Variants in CACNG3 observed in about 807,000 individuals in gnomAD.
The protein encoded by CACNG3 is calcium voltage-gated channel auxiliary subunit gamma 3.
CACNG3 carries 3 observed loss-of-function variants against 28.5 expected under a neutral mutation model. The observed-to-expected ratio is 0.11, with a 90% confidence interval of 0.05 to 0.27. The LOEUF is 0.27. CACNG3 is among the 10% of genes least tolerant of loss of function. The probability of loss-of-function intolerance (pLI) is 1.00; values close to 1 mark genes in which losing one functional copy is unlikely to be tolerated. For synonymous variants in CACNG3, 174 were observed against 162.2 expected (o/e 1.07, Z -0.55); for missense variants, 236 against 414.4 (o/e 0.57, Z 3.74).
At chr16:24,352,941 A>G (rs187329480) in intron 2 of CACNG3, among the ~76,000 whole-genome samples, 1 of 151,656 alleles carries the variant, frequency 6.6e-6, no homozygotes, top group East Asian at 2.0e-4. Flanking sequence ...GAAATTCTTA[A>G]CAATTCTGGA....
At chr16:24,297,806 T>G (rs183300723) in intron 1 of CACNG3, among the ~76,000 whole-genome samples, 16 of 152,228 alleles carry the variant, frequency 1.1e-4, no homozygotes, top group Admixed American at 6.5e-5. Context: ...TTTGTTCTGT[T>G]TCCTAGACGT....
intron 1 of CACNG3, among the ~76,000 whole-genome samples, chr16:24,336,452 T>G (rs1413197144): frequency 6.6e-6 from 1 of 151,800 alleles, no homozygotes; most frequent in African/African-American, 2.4e-5. Flanking sequence ...TGTTTTTGTA[T>G]TTTTAGTAAA....
chr16:24,341,701 G>A (rs1596649215), intron 1 of CACNG3, among the ~76,000 whole-genome samples: 1 of 152,326 alleles, frequency 6.6e-6, no homozygotes, highest in African/African-American at 2.4e-5. Context: ...CAGGATTCAT[G>A]CCTACGTGGG....
chr16:24,342,114 A>G (rs2141378137), intron 1 of CACNG3, among the ~76,000 whole-genome samples: 1 of 152,138 alleles, frequency 6.6e-6, no homozygotes, highest in South Asian at 2.1e-4. Context: ...CTAAAAATAC[A>G]AAAATCAGCC....
Position 24,356,882 on chromosome 16 carries a change from G to A in CACNG3, c.436+1909G>A, listed in dbSNP as rs1055929586. ...TTGAGGAGGCCTCACAACAATGGTG[G>A]AAGGCGAAGGAGGAGCAAAGTCATG... On this transcript the variant is annotated intron_variant, in intron 3 of 3. Coordinates refer to ENST00000005284, the MANE Select transcript of CACNG3 (RefSeq NM_006539.4). 1.1e-4 allele frequency among the ~76,000 whole-genome samples: 16 copies of A among 152,254 alleles called. No individual in the cohort carries two copies. The East Asian group carries it at 2.3e-3, about 22-fold the overall frequency.
intron 1 of CACNG3, among the ~76,000 whole-genome samples, chr16:24,314,633 C>T (rs375968496): frequency 6.6e-6 from 1 of 152,140 alleles, no homozygotes; most frequent in Non-Finnish European, 1.5e-5. Flanking sequence ...GTTGCCACAA[C>T]CCTCACGGTA....
At chr16:24,282,832 C>T (rs917199988) in intron 1 of CACNG3, among the ~76,000 whole-genome samples, 4 of 152,030 alleles carry the variant, frequency 2.6e-5, no homozygotes, top group African/African-American at 9.7e-5. Context: ...TGAGATTCTA[C>T]ACACTCTCTT....
At chr16:24,325,339 G>C (rs1167034442) in intron 1 of CACNG3, among the ~76,000 whole-genome samples, 1 of 152,150 alleles carries the variant, frequency 6.6e-6, no homozygotes, top group East Asian at 1.9e-4. Context: ...AACATCATCA[G>C]GTACATGGGA....
chr16:24,361,842 C>T lies in CACNG3; in HGVS notation c.927C>T (p.Asn309=), dbSNP rs751166724. The T allele has an allele frequency of 1.9e-6, 3 of 1,609,634 alleles. No homozygotes were observed. In the South Asian group the frequency reaches 3.3e-5, roughly 18 times the overall value. The change falls in exon 4 of 4, where the codon AAC becomes AAT. Residue 309 remains asparagine (N), a synonymous_variant. Coordinates refer to ENST00000005284, the MANE Select transcript of CACNG3 (RefSeq NM_006539.4). The surrounding 1 kb of genome is among the most constrained non-coding windows in gnomAD (Gnocchi z 6.8). ...AGTCACTGCATAATAATCCGGCCAA[C>T]AGGCGCACCACGCCCGTCTGAACTG... ...FKESLHNNPA[N]RRTTPV
chr16:24,291,999 G>GGA (rs145395041), intron 1 of CACNG3, among the ~76,000 whole-genome samples: 8 of 151,634 alleles, frequency 5.3e-5, no homozygotes, highest in South Asian at 2.1e-4. Context: ...GAGCCAGTGG[G>GGA]GAGAGAGAGA....
At chr16:24,286,959 C>T (rs907988611) in intron 1 of CACNG3, among the ~76,000 whole-genome samples, 14 of 152,160 alleles carry the variant, frequency 9.2e-5, no homozygotes, top group African/African-American at 2.4e-4. Context: ...AGGTCCTTGC[C>T]GCCAGGCTGA....
intron 1 of CACNG3, among the ~76,000 whole-genome samples, chr16:24,261,027 G>A (rs1421098447): frequency 6.6e-6 from 1 of 152,178 alleles, no homozygotes; most frequent in African/African-American, 2.4e-5. Context: ...GGAACCCTAA[G>A]TGTTCATCCC....
In CACNG3 at chr16:24,330,633, A is replaced by G. The variant is rs547086876; in HGVS notation, c.212-16101A>G. Reference sequence around the variant, plus strand: ...GGAATGCACTTGTTGGTTTGTTTTAAGAAGAGCCCAGGTGATTCTCATGCA... The same window carrying G: ...GGAATGCACTTGTTGGTTTGTTTTAGGAAGAGCCCAGGTGATTCTCATGCA... On this transcript the variant is annotated intron_variant, in intron 1 of 3. Transcript: ENST00000005284. Among the ~76,000 whole-genome samples, 4 of 152,344 alleles carry G rather than the reference A, an allele frequency of 2.6e-5. No individual in the cohort carries two copies. In the South Asian group the frequency reaches 8.3e-4, roughly 32 times the overall value.
At chr16:24,263,624 T>C (rs1898562593) in intron 1 of CACNG3, among the ~76,000 whole-genome samples, 1 of 152,178 alleles carries the variant, frequency 6.6e-6, no homozygotes, top group Non-Finnish European at 1.5e-5. Context: ...TGGGGGCTTA[T>C]GTGGATCCTG....
At chr16:24,291,750 AG>A (rs1433640740) in intron 1 of CACNG3, among the ~76,000 whole-genome samples, 4 of 152,172 alleles carry the variant, frequency 2.6e-5, no homozygotes, top group Admixed American at 2.6e-4. Context: ...CATCTGTTAA[AG>A]AAAGGAGAGA....
chr16:24,274,531 T>A (rs1898730193), intron 1 of CACNG3, among the ~76,000 whole-genome samples: 1 of 152,162 alleles, frequency 6.6e-6, no homozygotes. Flanking sequence ...TTACCACTGC[T>A]CTGTTAGTCC....
At chr16:24,339,323 C>T (rs1217738219) in intron 1 of CACNG3, among the ~76,000 whole-genome samples, 1 of 151,754 alleles carries the variant, frequency 6.6e-6, no homozygotes. Flanking sequence ...AAGAAACCAC[C>T]TCACTGAGCT....
chr16:24,322,742 T>C (rs1899481801), intron 1 of CACNG3, among the ~76,000 whole-genome samples: 1 of 152,150 alleles, frequency 6.6e-6, no homozygotes, highest in South Asian at 2.1e-4. Context: ...CGTGTGCATA[T>C]TGAGACATAT....
intron 1 of CACNG3, among the ~76,000 whole-genome samples, chr16:24,315,407 CCAT>C (rs1183774247): frequency 1.3e-5 from 2 of 152,030 alleles, no homozygotes; most frequent in South Asian, 4.2e-4. Flanking sequence ...CTCAACCTCA[CCAT>C]CATCATCTCT....
Sources: allele counts gnomAD v4.1 joint callset (sites outside exome capture counted in the v4.1 genomes callset), GRCh38; gene constraint gnomAD v4.1.1; non-coding constraint Gnocchi (gnomAD v3.1); transcripts MANE v1.5; gene names NCBI Gene and HGNC (gene_info 2026-07-23, HGNC 2026-07-21).